The following C10orf71 variants were observed in gnomAD, a reference collection of about 807,000 sequenced individuals.
C10orf71 encodes the protein cardiac-enriched FHL2-interacting protein.
For synonymous variants in C10orf71, 758 were observed against 726.3 expected (o/e 1.04, Z -0.70); for missense variants, 1,869 against 1,804.5 (o/e 1.04, Z -0.65).
chr10:49,325,934 C>G lies in C10orf71; in HGVS notation c.3389C>G (p.Ser1130Trp). ...EGGSDPLLEL[S>W]AEDLRTLSPR... The stretch of plus-strand genomic sequence containing the variant: ...GGCTCTGACCCCCTACTTGAGCTGT[C>G]GGCAGAAGACCTCCGGACCCTCTCT... The change falls in exon 3 of 3, where the codon TCG becomes TGG. Residue 1130 changes from serine (S) to tryptophan (W), a missense_variant. Ser to Trp is a radical substitution (Grantham distance 177, BLOSUM62 -3). Transcript: ENST00000374144. 1 of 1,551,358 alleles carries G rather than the reference C, an allele frequency of 6.4e-7. No homozygotes were observed. The highest frequency in any genetic ancestry group is 8.7e-7 in the Non-Finnish European group (1 of 1,146,822).
intron 1 of C10orf71, among the ~76,000 whole-genome samples, chr10:49,307,336 G>A (rs1391855192): frequency 6.6e-6 from 1 of 152,240 alleles, no homozygotes; most frequent in Non-Finnish European, 1.5e-5. Flanking sequence ...GAACACCTGA[G>A]AGAGTGTCGT....
rs752170407 is a variant in C10orf71 at position 49,326,457 on chromosome 10, G to A, written c.3912G>A (p.Thr1304=). 7 of 1,550,220 alleles carry A rather than the reference G, an allele frequency of 4.5e-6. No homozygotes were observed. Among genetic ancestry groups the A allele is most frequent in the East Asian group, 4.9e-5 (2 of 40,896 alleles). The part of the protein sequence containing the change: ...VKIKTFYDPE[T]GKYVKVSIPS... ...TCAAGACCTTCTATGACCCAGAGAC[G>A]GGCAAGTATGTCAAGGTCTCCATCC... Residue 1304 remains threonine, a synonymous_variant, in exon 3 of 3, where the codon ACG becomes ACA. Coordinates refer to ENST00000374144, the MANE Select transcript of C10orf71 (RefSeq NM_001135196.2).
intron 1 of C10orf71, among the ~76,000 whole-genome samples, chr10:49,313,951 T>C (rs1473062183): frequency 6.6e-6 from 1 of 151,952 alleles, no homozygotes; most frequent in Non-Finnish European, 1.5e-5. Flanking sequence ...GCGTGGTGAC[T>C]GTAGAGTGAG....
intron 1 of C10orf71, among the ~76,000 whole-genome samples, chr10:49,310,211 T>C (rs1848886790): frequency 6.6e-6 from 1 of 152,242 alleles, no homozygotes; most frequent in African/African-American, 2.4e-5. Context: ...GACTCATGTT[T>C]ACAGGCTGAA....
Position 49,327,103 on chromosome 10 carries a change from C to A in C10orf71, c.*250C>A. On this transcript the variant is annotated 3_prime_UTR_variant, in exon 3 of 3. Transcript: ENST00000374144. ...TTGCTTGGCCCGGTCCCCTCCGTGC[C>A]AGTTCCCAGGCGCACTCTACTCCAG... is the stretch of plus-strand genomic sequence containing the variant. 1 of 1,363,342 alleles carries A rather than the reference C, an allele frequency of 7.3e-7. No homozygotes were observed. 84.5% of individuals were successfully genotyped at this position (1,363,342 alleles called of 1,614,324 possible).
chr10:49,326,350 G>A lies in C10orf71; in HGVS notation c.3805G>A (p.Ala1269Thr), dbSNP rs41301109. ...CCCCCAGTCCCTCACACCCCTGCCC[G>A]CGTACCCCGCCACCCAGAAGGTCCT... ...GGPQSLTPLPAYPATQKVLQD... is the reference protein window; with the variant it reads ...GGPQSLTPLPTYPATQKVLQD... Residue 1269 changes from alanine (A) to threonine (T), a missense_variant, in exon 3 of 3, where the codon GCG (alanine) becomes ACG (threonine). Ala to Thr is a moderately conservative substitution (Grantham distance 58). Transcript: ENST00000374144. 70,186 of 1,550,324 alleles carry A rather than the reference G, an allele frequency of 0.045. 1,909 individuals are homozygous for A. Among genetic ancestry groups the A allele is most frequent in the East Asian group, 0.14 (5,663 of 40,890 alleles).
chr10:49,317,420 A>G (rs1849017385), intron 2 of C10orf71, among the ~76,000 whole-genome samples: 1 of 152,142 alleles, frequency 6.6e-6, no homozygotes, highest in Admixed American at 6.5e-5. Context: ...TGAATCATGC[A>G]CCCTCTAAAA....
intron 2 of C10orf71, among the ~76,000 whole-genome samples, chr10:49,319,064 A>G (rs1216184321): frequency 6.6e-6 from 1 of 152,192 alleles, no homozygotes; most frequent in Non-Finnish European, 1.5e-5. Context: ...GCAGTGTTTG[A>G]TCTGCCAGCT....
At chr10:49,302,202 A>G (rs1279522018) in intron 1 of C10orf71, among the ~76,000 whole-genome samples, 1 of 152,206 alleles carries the variant, frequency 6.6e-6, no homozygotes, top group East Asian at 1.9e-4. Context: ...GGTTGGTTCC[A>G]GATCTGGCAC....
Position 49,322,429 on chromosome 10 carries a change from T to C in C10orf71, c.-117T>C, listed in dbSNP as rs574137615. 137 of 1,289,634 alleles carry C rather than the reference T, an allele frequency of 1.1e-4. No individual in the cohort carries two copies. In the African/African-American group the frequency reaches 1.2e-3, roughly 11 times the overall value. 79.9% of individuals were successfully genotyped at this position (1,289,634 alleles called of 1,614,324 possible). On this transcript the variant is annotated 5_prime_UTR_variant, in exon 3 of 3. Transcript: ENST00000374144. Reference sequence around the variant, plus strand: ...AAAAAAAAAAATCCCCACTTTGCAATTGCATCTGGTCAATGAGAGGCTCTA... The same window carrying C: ...AAAAAAAAAAATCCCCACTTTGCAACTGCATCTGGTCAATGAGAGGCTCTA...
Position 49,324,912 on chromosome 10 carries a change from A to G in C10orf71, c.2367A>G (p.Ala789=). 1.9e-6 allele frequency: 3 copies of G among 1,550,748 alleles called. No individual in the cohort carries two copies. Among genetic ancestry groups the G allele is most frequent in the Non-Finnish European group, 2.6e-6 (3 of 1,146,308 alleles). ...LQYCALSNGH[A]CLENRSQGEA... ...ACTGTGCCTTAAGCAATGGGCACGC[A>G]TGCCTGGAAAACCGCAGCCAGGGGG... Residue 789 remains alanine (A), a synonymous_variant, in exon 3 of 3, where the codon GCA becomes GCG. Transcript: ENST00000374144.
chr10:49,308,795 A>T (rs553008801), intron 1 of C10orf71, among the ~76,000 whole-genome samples: 5 of 152,360 alleles, frequency 3.3e-5, no homozygotes, highest in African/African-American at 1.2e-4. Flanking sequence ...ACGAGATCTT[A>T]CGCTTTCTTC....
chr10:49,307,318 T>G (rs984610725), intron 1 of C10orf71, among the ~76,000 whole-genome samples: 1 of 152,164 alleles, frequency 6.6e-6, no homozygotes, highest in South Asian at 2.1e-4. Context: ...CCCCTTGAGG[T>G]CTGCAGAGAA....
chr10:49,327,055 C>G lies in C10orf71; in HGVS notation c.*202C>G. The G allele has an allele frequency of 6.5e-7, 1 of 1,541,380 alleles. No individual in the cohort carries two copies. ...ACCTCACCCAAAGGGCTCCCTGGCT[C>G]TCCTCTGATGGAGGGGCACTGCTTG... is the stretch of plus-strand genomic sequence containing the variant. On this transcript the variant is annotated 3_prime_UTR_variant, in exon 3 of 3. Coordinates refer to ENST00000374144, the MANE Select transcript of C10orf71 (RefSeq NM_001135196.2).
At chr10:49,309,810 C>T (rs780227948) in intron 1 of C10orf71, among the ~76,000 whole-genome samples, 4 of 152,146 alleles carry the variant, frequency 2.6e-5, no homozygotes, top group African/African-American at 7.2e-5. Context: ...ATGCCTGAGT[C>T]GATGGCTCAG....
Position 49,322,876 on chromosome 10 carries a change from A to G in C10orf71, c.331A>G (p.Lys111Glu). Residue 111 changes from lysine to glutamate, a missense_variant, in exon 3 of 3, where the codon AAG (lysine) becomes GAG (glutamate). Physicochemically the swap from Lys to Glu is moderately conservative, Grantham distance 56. Coordinates refer to ENST00000374144, the MANE Select transcript of C10orf71 (RefSeq NM_001135196.2). ...QLPKYVQGEE[K>E]YPKTSPPPTP... ...ACCCAAGTACGTTCAGGGAGAGGAA[A>G]AGTACCCCAAAACCAGCCCCCCACC... 1 of 1,613,908 alleles carries G rather than the reference A, an allele frequency of 6.2e-7. No individual in the cohort carries two copies. The highest frequency in any genetic ancestry group is 1.1e-5 in the South Asian group (1 of 91,076).
At chr10:49,302,864 C>T (rs1848752105) in intron 1 of C10orf71, among the ~76,000 whole-genome samples, 1 of 152,150 alleles carries the variant, frequency 6.6e-6, no homozygotes, top group Non-Finnish European at 1.5e-5. Flanking sequence ...TCAGAAGGGG[C>T]AACAGGACAG....
rs768492570 is a variant in C10orf71, at chr10:49,324,915, C to T, written c.2370C>T (p.Cys790=). The T allele has an allele frequency of 6.4e-7, 1 of 1,550,608 alleles. No individual in the cohort carries two copies. The highest frequency in any genetic ancestry group is 1.2e-5 in the South Asian group (1 of 83,966). ...QYCALSNGHA[C]LENRSQGEAL... is the part of the protein sequence containing the mutation. ...GTGCCTTAAGCAATGGGCACGCATG[C>T]CTGGAAAACCGCAGCCAGGGGGAAG... The change falls in exon 3 of 3, where the codon TGC becomes TGT. Residue 790 remains cysteine (C), a synonymous_variant. Coordinates refer to ENST00000374144, the MANE Select transcript of C10orf71 (RefSeq NM_001135196.2).
Position 49,323,936 on chromosome 10 carries a change from C to T in C10orf71, c.1391C>T (p.Pro464Leu), listed in dbSNP as rs1849156037. 1.2e-6 allele frequency: 2 copies of T among 1,613,840 alleles called. No homozygotes were observed. The highest frequency in any genetic ancestry group is 1.1e-5 in the South Asian group (1 of 91,072). ...KHALDSADSQ[P>L]AERTPSPPGQ... ...GCCCTGGATTCAGCAGACAGCCAGCCAGCAGAGCGAACCCCATCACCCCCA... is the reference window on the plus strand; with the variant it reads ...GCCCTGGATTCAGCAGACAGCCAGCTAGCAGAGCGAACCCCATCACCCCCA... Residue 464 changes from proline (P) to leucine (L), a missense_variant, in exon 3 of 3, where the codon CCA (proline) becomes CTA (leucine). Transcript: ENST00000374144.
Sources: gnomAD v4.1 joint callset for allele counts (sites outside exome capture counted in the v4.1 genomes callset) on GRCh38, gnomAD v4.1.1 for gene constraint, MANE v1.5 for transcripts, NCBI Gene and HGNC (gene_info 2026-07-23, HGNC 2026-07-21) for gene names.